Variants in PRKCZ observed in about 807,000 individuals in gnomAD.
The protein encoded by PRKCZ is protein kinase C zeta, also known as protein kinase C zeta type.
A neutral mutation model predicts 79.5 loss-of-function variants in PRKCZ; 33 were observed. The observed-to-expected ratio is 0.41, with a 90% CI of 0.31 to 0.55. The LOEUF (loss-of-function observed/expected upper bound fraction) is 0.55, where lower values mean the gene tolerates loss of function less well. PRKCZ is among the 20% of genes least tolerant of loss of function. PRKCZ has a pLI of 0.19. For synonymous variants in PRKCZ, 342 were observed against 320.9 expected, an observed-to-expected ratio of 1.07 and a Z score of -0.70; for missense variants, 578 against 813.5, an observed-to-expected ratio of 0.71 and a Z score of 3.52.
At chr1:2,150,525 C>CAG (rs1184249879) in intron 8 of PRKCZ, among the ~76,000 whole-genome samples, 1 of 152,214 alleles carries the variant, frequency 6.6e-6, no homozygotes, top group Non-Finnish European at 1.5e-5. Context: ...CAGCTGTGAC[C>CAG]AGAGCCATGG....
At chr1:2,140,671 A>C (rs979079526) in intron 5 of PRKCZ, among the ~76,000 whole-genome samples, 4 of 150,504 alleles carry the variant, frequency 2.7e-5, no homozygotes, top group African/African-American at 9.8e-5. Context: ...AAAAAGAAAG[A>C]AAATGTGAGC....
intron 7 of PRKCZ, among the ~76,000 whole-genome samples, chr1:2,148,428 C>T (rs1422365945): frequency 6.6e-6 from 1 of 152,108 alleles, no homozygotes; most frequent in African/African-American, 2.4e-5. Flanking sequence ...CTAACCTCTC[C>T]ATCTATCCAT....
rs1433897754 is a variant in PRKCZ, at chr1:2,172,245, C to T, written c.1197+55C>T. 7.4e-6 allele frequency: 12 copies of T among 1,613,312 alleles called. No homozygotes were observed. Among genetic ancestry groups the T allele is most frequent in the Middle Eastern group, 1.6e-4 (1 of 6,084 alleles). On this transcript the variant is annotated intron_variant, in intron 12 of 17. Transcript: ENST00000378567. The surrounding 1 kb of genome is among the most constrained non-coding windows in gnomAD (Gnocchi z 7.8). Reference sequence around the variant, plus strand: ...ATCCCGCATGTGCGTCTCGGGGCGCCTGTCCCGCGGGGTAGTGTCTACAAG... The same window carrying T: ...ATCCCGCATGTGCGTCTCGGGGCGCTTGTCCCGCGGGGTAGTGTCTACAAG...
chr1:2,167,682 C>T (rs916826249), intron 10 of PRKCZ, among the ~76,000 whole-genome samples: 2 of 152,210 alleles, frequency 1.3e-5, no homozygotes, highest in African/African-American at 2.4e-5. Flanking sequence ...CAGCTCACTG[C>T]AGCCTGTGCC....
chr1:2,163,431 G>T (rs1312939115), intron 10 of PRKCZ, among the ~76,000 whole-genome samples: 2 of 152,208 alleles, frequency 1.3e-5, no homozygotes, highest in Admixed American at 6.5e-5. Context: ...GCTGGCAAAG[G>T]CCCTGGCAAT....
Position 2,172,061 on chromosome 1 carries a change from C to T in PRKCZ, c.1068C>T (p.Tyr356=), listed in dbSNP as rs200407187. The T allele has an allele frequency of 6.2e-6, 10 of 1,604,280 alleles. No homozygotes were observed. The highest frequency in any genetic ancestry group is 4.0e-5 in the African/African-American group (3 of 74,800). ...ACGGCATCCCCACCCCCAGGTTCTA[C>T]GCGGCCGAGATCTGCATCGCCCTCA... is the stretch of plus-strand genomic sequence containing the variant. ...RKLPEEHARF[Y]AAEICIALNF... Residue 356 remains tyrosine (Y), a synonymous_variant, in exon 12 of 18, where the codon TAC becomes TAT. Coordinates refer to ENST00000378567, the MANE Select transcript of PRKCZ (RefSeq NM_002744.6). This position sits in a 1 kb window ranked among gnomAD's most constrained non-coding sequence, Gnocchi z 7.8.
chr1:2,181,405 C>T (rs1450563289), intron 16 of PRKCZ, among the ~76,000 whole-genome samples: 1 of 152,224 alleles, frequency 6.6e-6, no homozygotes, highest in Non-Finnish European at 1.5e-5. Context: ...GTGGTTGCAG[C>T]CACAGGGGCA....
At chr1:2,155,431 C>T (rs908539846) in intron 9 of PRKCZ, among the ~76,000 whole-genome samples, 12 of 141,362 alleles carry the variant, frequency 8.5e-5, no homozygotes, top group African/African-American at 2.7e-4. Flanking sequence ...ATGACAGTGA[C>T]GGTTGTGATG....
chr1:2,059,416 G>C, intron 3 of PRKCZ, 125 bp from the exon 4 acceptor site: 1 of 1,144,666 alleles, frequency 8.7e-7, no homozygotes, highest in Non-Finnish European at 1.3e-6. Context: ...GCTCTCATTG[G>C]CAGTGCCACG....
chr1:2,135,443 C>T lies in PRKCZ; in HGVS notation c.420+96C>T, dbSNP rs1362461240. 13 of 1,222,352 alleles carry T rather than the reference C, an allele frequency of 1.1e-5. No individual in the cohort carries two copies. In the East Asian group the frequency reaches 1.3e-4, roughly 12 times the overall value. 75.7% of individuals were successfully genotyped at this position (1,222,352 alleles called of 1,614,324 possible). On this transcript the variant is annotated intron_variant, in intron 5 of 17. Coordinates refer to ENST00000378567, the MANE Select transcript of PRKCZ (RefSeq NM_002744.6). ...GGAGGCACGTCCCGCTGAGCCCAGG[C>T]TGGGCTCTTTTTGGCGCCCGAGGGC...
At chr1:2,145,911 C>A in intron 6 of PRKCZ, 116 bp from the exon 7 acceptor site, 1 of 826,490 alleles carries the variant, frequency 1.2e-6, no homozygotes, top group Non-Finnish European at 2.0e-6. Flanking sequence ...AGACTGTGAC[C>A]CTGTCTGTAA....
chr1:2,119,406 G>A lies in PRKCZ; in HGVS notation c.335-15856G>A, dbSNP rs965088776. On this transcript the variant is annotated intron_variant, in intron 4 of 17. Coordinates refer to ENST00000378567, the MANE Select transcript of PRKCZ (RefSeq NM_002744.6). ...TTTTTTGTATTTTTAGTAGAGGCAG[G>A]GTTTCACCATATTGACCAGGCTGGT... Among the ~76,000 whole-genome samples the A allele has an allele frequency of 3.3e-5, 5 of 151,552 alleles. No individual in the cohort carries two copies. In the East Asian group the frequency reaches 7.7e-4, roughly 23 times the overall value.
chr1:2,163,824 G>A (rs528620872), intron 10 of PRKCZ, among the ~76,000 whole-genome samples: 327 of 152,134 alleles, frequency 2.1e-3, no homozygotes, highest in Middle Eastern at 0.01. Flanking sequence ...GCGTGAACCC[G>A]GGAGGCGGAG....
intron 4 of PRKCZ, among the ~76,000 whole-genome samples, chr1:2,079,667 A>G (rs1001525092): frequency 6.6e-6 from 1 of 152,214 alleles, no homozygotes; most frequent in Non-Finnish European, 1.5e-5. Context: ...ATGGCGGCAC[A>G]TGGTGGGAGC....
chr1:2,102,561 T>G (rs1158162386), intron 4 of PRKCZ, among the ~76,000 whole-genome samples: 1 of 152,106 alleles, frequency 6.6e-6, no homozygotes, highest in Non-Finnish European at 1.5e-5. Context: ...CTCGATCTCC[T>G]GACCTCGTGA....
intron 4 of PRKCZ, among the ~76,000 whole-genome samples, chr1:2,067,719 G>T (rs1335196179): frequency 6.6e-6 from 1 of 152,222 alleles, no homozygotes; most frequent in African/African-American, 2.4e-5. Flanking sequence ...GTTCACTGCA[G>T]TGCCGGGTGA....
intron 4 of PRKCZ, among the ~76,000 whole-genome samples, chr1:2,130,397 C>T (rs915069128): frequency 2.0e-5 from 3 of 152,114 alleles, no homozygotes; most frequent in East Asian, 1.9e-4. Flanking sequence ...GGGCTCCTGG[C>T]GTGCCTTCCC....
chr1:2,167,268 C>T (rs1054464235), intron 10 of PRKCZ, among the ~76,000 whole-genome samples: 7 of 152,254 alleles, frequency 4.6e-5, no homozygotes, highest in South Asian at 2.1e-4. Flanking sequence ...AAGCGGCCTC[C>T]GCCTCTACCT....
rs1557574165 is a variant in PRKCZ at position 2,106,492 on chromosome 1, GT to G, written c.335-28769del. Among the ~76,000 whole-genome samples, 138 of 112,276 alleles carry G rather than the reference GT, an allele frequency of 1.2e-3. 8 individuals carry two copies. Among genetic ancestry groups the G allele is most frequent in the East Asian group, 3.3e-3 (13 of 3,998 alleles). The allele number at this position is 112,276 out of a possible 152,430, so 73.7% of individuals were successfully genotyped here. A position where few individuals can be genotyped will look rare whatever the true frequency, so the allele number is the denominator to read the frequency against. ...CCAGTGGGCGAGGACCTCCACACGT[GT>G]CACCAGGCCAGGTAACTCTCAGCAA... On this transcript the variant is annotated intron_variant, in intron 4 of 17. Transcript: ENST00000378567.
Sources: allele counts gnomAD v4.1 joint callset (sites outside exome capture counted in the v4.1 genomes callset), GRCh38; gene constraint gnomAD v4.1.1; non-coding constraint Gnocchi (gnomAD v3.1); transcripts MANE v1.5; gene names NCBI Gene and HGNC (gene_info 2026-07-23, HGNC 2026-07-21).